GHR: variants seen among roughly 807,000 people sequenced by gnomAD.
GHR encodes the protein growth hormone receptor, also known as GH receptor.
In GHR, 35 loss-of-function variants were observed where a neutral mutation model predicts 67.1. The ratio of observed to expected loss-of-function variants is 0.52; its 90% CI spans 0.40 to 0.69. GHR has a LOEUF of 0.69. GHR is among the 30% of genes least tolerant of loss of function. The pLI, the probability that GHR is intolerant of heterozygous loss-of-function variation, is 0.00. For synonymous variants in GHR, 272 were observed against 269.1 expected (o/e 1.01, Z -0.10); for missense variants, 792 against 764.6 (o/e 1.04, Z -0.42).
At chr5:42,570,006 C>A (rs1206875883) in intron 2 of GHR, among the ~76,000 whole-genome samples, 1 of 152,142 alleles carries the variant, frequency 6.6e-6, no homozygotes, top group Non-Finnish European at 1.5e-5. Flanking sequence ...GAAAGACACC[C>A]CTGTTCTCAT....
chr5:42,570,962 C>T (rs1482317347), intron 2 of GHR, among the ~76,000 whole-genome samples: 1 of 152,146 alleles, frequency 6.6e-6, no homozygotes, highest in Non-Finnish European at 1.5e-5. Context: ...AGATGGATCA[C>T]AAACACGGGG....
At chr5:42,563,250 T>C (rs1291041688) in intron 1 of GHR, among the ~76,000 whole-genome samples, 1 of 152,214 alleles carries the variant, frequency 6.6e-6, no homozygotes, top group African/African-American at 2.4e-5. Flanking sequence ...CTTCTTTACC[T>C]GACACTAAGT....
intron 1 of GHR, chr5:42,565,559 C>T: frequency 1.0e-6 from 1 of 985,384 alleles, no homozygotes; most frequent in Non-Finnish European, 1.2e-6. Context: ...GTTACTGAAG[C>T]TGTGCATGGG....
intron 3 of GHR, among the ~76,000 whole-genome samples, chr5:42,638,655 A>G (rs1336248476): frequency 6.6e-6 from 1 of 152,234 alleles, no homozygotes; most frequent in East Asian, 1.9e-4. Context: ...TGGGACGACT[A>G]TCATATATGC....
chr5:42,535,928 G>T (rs1748236927), intron 1 of GHR, among the ~76,000 whole-genome samples: 1 of 152,010 alleles, frequency 6.6e-6, no homozygotes, highest in Admixed American at 6.6e-5. Flanking sequence ...GGCAGCAATT[G>T]TAAAAGGGGT....
chr5:42,474,338 A>AAAGAAAGAAAGAAAAAG (rs370296727), intron 1 of GHR, among the ~76,000 whole-genome samples: 1 of 35,238 alleles, frequency 2.8e-5, no homozygotes, highest in East Asian at 1.0e-3. Context: ...AGAAAGAAAG[A>AAAGAAAGAAAGAAAAAG]AAAGAAATAA....
intron 3 of GHR, among the ~76,000 whole-genome samples, chr5:42,679,126 TATTA>T (rs1256364760): frequency 1.6e-4 from 22 of 139,994 alleles, no homozygotes; most frequent in African/African-American, 3.1e-4. Context: ...ATATATTATA[TATTA>T]ATTAATATAT....
chr5:42,529,535 A>G (rs1040993384), intron 1 of GHR, among the ~76,000 whole-genome samples: 2 of 152,094 alleles, frequency 1.3e-5, no homozygotes, highest in South Asian at 2.1e-4. Context: ...ACCATATACC[A>G]TTGTTCTACA....
chr5:42,466,493 G>A (rs1744739460), intron 1 of GHR, among the ~76,000 whole-genome samples: 1 of 152,176 alleles, frequency 6.6e-6, no homozygotes, highest in Non-Finnish European at 1.5e-5. Context: ...AGAATACACG[G>A]TTCAACCAGA....
chr5:42,459,791 G>A (rs2112038148), intron 1 of GHR, among the ~76,000 whole-genome samples: 1 of 152,320 alleles, frequency 6.6e-6, no homozygotes, highest in Middle Eastern at 3.4e-3. Context: ...TAATCCGCTA[G>A]TGATGATGTT....
chr5:42,662,818 C>T (rs1029773040), intron 3 of GHR, among the ~76,000 whole-genome samples: 14 of 152,198 alleles, frequency 9.2e-5, no homozygotes, highest in African/African-American at 3.1e-4. Context: ...AATCCAGGAG[C>T]TGGTTTTTGG....
intron 1 of GHR, among the ~76,000 whole-genome samples, chr5:42,438,931 T>C (rs1411547579): frequency 6.6e-6 from 1 of 152,224 alleles, no homozygotes; most frequent in East Asian, 1.9e-4. Context: ...AAGTGTTTGA[T>C]TAATTTGTTA....
chr5:42,669,670 A>T (rs528983890), intron 3 of GHR, among the ~76,000 whole-genome samples: 1 of 152,346 alleles, frequency 6.6e-6, no homozygotes, highest in East Asian at 1.9e-4. Flanking sequence ...TTCCCAAATT[A>T]ACCATCAAAT....
intron 1 of GHR, among the ~76,000 whole-genome samples, chr5:42,483,475 G>A (rs528322943): frequency 5.1e-4 from 75 of 148,504 alleles, no homozygotes; most frequent in Non-Finnish European, 9.3e-4. Flanking sequence ...CTTTAAAGAT[G>A]TATTTTATTT....
chr5:42,528,674 A>G (rs2112330889), intron 1 of GHR, among the ~76,000 whole-genome samples: 1 of 152,354 alleles, frequency 6.6e-6, no homozygotes, highest in South Asian at 2.1e-4. Context: ...TTTTAAAAGA[A>G]GTTCTGTGGG....
At chr5:42,677,859 CTTA>C (rs1214176058) in intron 3 of GHR, among the ~76,000 whole-genome samples, 1 of 152,050 alleles carries the variant, frequency 6.6e-6, no homozygotes, top group Non-Finnish European at 1.5e-5. Context: ...TACCGATATA[CTTA>C]TAATTACATG....
chr5:42,466,283 A>G (rs75029571), intron 1 of GHR, among the ~76,000 whole-genome samples: 1 of 81,874 alleles, frequency 1.2e-5, no homozygotes, highest in Admixed American at 1.1e-4. Context: ...ATCAAGGTTC[A>G]GGGGGTATAG....
intron 2 of GHR, among the ~76,000 whole-genome samples, chr5:42,587,992 C>A (rs1751574357): frequency 6.6e-6 from 1 of 152,122 alleles, no homozygotes; most frequent in African/African-American, 2.4e-5. Context: ...TTTCTCCTGG[C>A]CAGATATCTG....
At chr5:42,645,048 T>C (rs1754662231) in intron 3 of GHR, among the ~76,000 whole-genome samples, 1 of 152,186 alleles carries the variant, frequency 6.6e-6, no homozygotes, top group African/African-American at 2.4e-5. Context: ...GAAATGTCCT[T>C]ATATGAACAG....
Sources: allele counts gnomAD v4.1 joint callset (sites outside exome capture counted in the v4.1 genomes callset), GRCh38; gene constraint gnomAD v4.1.1; transcripts MANE v1.5; gene names NCBI Gene and HGNC (gene_info 2026-07-23, HGNC 2026-07-21).